MTHFD1: variants seen among roughly 807,000 people sequenced by gnomAD.
MTHFD1 encodes C-1-tetrahydrofolate synthase, cytoplasmic.
MTHFD1 carries 44 observed loss-of-function variants against 110.3 expected under a neutral mutation model. The observed-to-expected ratio is 0.40, with a 90% CI of 0.31 to 0.51. The LOEUF (loss-of-function observed/expected upper bound fraction) is 0.51, where lower values mean the gene tolerates loss of function less well. MTHFD1 is among the 20% of genes least tolerant of loss of function. MTHFD1 has a pLI of 0.60. For synonymous variants in MTHFD1, 402 were observed against 428.8 expected, an observed-to-expected ratio of 0.94 and a Z score of 0.77; for missense variants, 909 against 1,173.1, an observed-to-expected ratio of 0.77 and a Z score of 3.29.
intron 14 of MTHFD1, 30 bp from the exon 15 acceptor site, chr14:64,431,757 T>C (rs1415701263): frequency 6.2e-7 from 1 of 1,606,950 alleles, no homozygotes; most frequent in Non-Finnish European, 8.5e-7. Context: ...GGGGCTCCTC[T>C]CATTTTAAAG....
chr14:64,445,850 T>C (rs1421389849), intron 22 of MTHFD1, among the ~76,000 whole-genome samples: 3 of 152,238 alleles, frequency 2.0e-5, no homozygotes, highest in African/African-American at 7.2e-5. Flanking sequence ...GCGTTACATA[T>C]TAATTGGTTT....
intron 1 of MTHFD1, chr14:64,388,752 G>C (rs1162408735): frequency 3.5e-6 from 2 of 573,350 alleles, no homozygotes; most frequent in Non-Finnish European, 6.2e-6. Context: ...CCGGGAGAGT[G>C]GGTAGTTGCG....
intron 1 of MTHFD1, among the ~76,000 whole-genome samples, chr14:64,397,510 G>T (rs868212223): frequency 1.3e-5 from 2 of 152,038 alleles, no homozygotes; most frequent in Non-Finnish European, 2.9e-5. Context: ...GGCCAGGCTG[G>T]TCTCGAACTC....
Position 64,430,245 on chromosome 14 carries a change from G to A in MTHFD1, c.1311+15G>A. 6.2e-7 allele frequency: 1 copy of A among 1,612,624 alleles called. No homozygotes were observed. Among genetic ancestry groups the A allele is most frequent in the Non-Finnish European group, 8.5e-7 (1 of 1,179,452 alleles). ...CTATGGAAGAGGTAAAGTATTCTGG[G>A]ATTTGGCTGAATTAGATCCCCCTTT... On this transcript the variant is annotated intron_variant, in intron 13 of 27. Transcript: ENST00000652337.
Position 64,425,741 on chromosome 14 carries a change from G to C in MTHFD1, c.867G>C (p.Glu289Asp), listed in dbSNP as rs773620165. 2 of 1,612,476 alleles carry C rather than the reference G, an allele frequency of 1.2e-6. No homozygotes were observed. The highest frequency in any genetic ancestry group is 1.7e-5 in the Admixed American group (1 of 60,018). Residue 289 changes from glutamate to aspartate, a missense_variant, in exon 10 of 28, where the codon GAG (glutamate) becomes GAC (aspartate). Coordinates refer to ENST00000652337, the MANE Select transcript of MTHFD1 (RefSeq NM_005956.4). Reference sequence around the variant, plus strand: ...TTCATTTTGCTTAGAGCACAGTAGAGAGTGCCAAGCGTTTCCTGGAGAAAT... The same window carrying C: ...TTCATTTTGCTTAGAGCACAGTAGACAGTGCCAAGCGTTTCCTGGAGAAAT... ...TVAMLMQSTV[E>D]SAKRFLEKFK...
At position 64,411,155 on chromosome 14, in the gene MTHFD1, G is replaced by A. The variant is rs750839500; in HGVS notation, c.186+6G>A. On this transcript the variant is annotated splice_donor_region_variant and intron_variant, in intron 3 of 27. Coordinates refer to ENST00000652337, the MANE Select transcript of MTHFD1 (RefSeq NM_005956.4). ...AGCTGAAGGCTGCTGAAGAGGTAAC[G>A]CCAGAAGAGCTGTGCCATCACCCTC... The A allele has an allele frequency of 3.1e-5, 50 of 1,610,212 alleles. No homozygotes were observed. The highest frequency in any genetic ancestry group is 5.0e-5 in the Admixed American group (3 of 59,986).
Position 64,449,464 on chromosome 14 carries a change from C to G in MTHFD1, c.2299C>G (p.Leu767Val). 20 of 1,613,654 alleles carry G rather than the reference C, an allele frequency of 1.2e-5. No homozygotes were observed. The highest frequency in any genetic ancestry group is 1.7e-5 in the Non-Finnish European group (20 of 1,180,042). Residue 767 changes from leucine to valine, a missense_variant, in exon 24 of 28, where the codon CTG (leucine) becomes GTG (valine). By Grantham distance (32) the Leu-to-Val change is conservative (BLOSUM62 1). This residue lies in a region of MTHFD1 where 482 missense variants were observed against 646.0 expected (regional missense o/e 0.75). Coordinates refer to ENST00000652337, the MANE Select transcript of MTHFD1 (RefSeq NM_005956.4). ...NAFKTDTESE[L>V]DLISRLSREH... ...TTATAGGACGGATACAGAGTCTGAG[C>G]TGGACCTCATCAGCCGCCTTTCCAG...
intron 7 of MTHFD1, among the ~76,000 whole-genome samples, chr14:64,418,464 A>AAAAC (rs2078043243): frequency 6.6e-6 from 1 of 151,018 alleles, no homozygotes; most frequent in Admixed American, 6.6e-5. Context: ...AAAAAAAAAA[A>AAAAC]ATTAATTAAT....
At position 64,448,089 on chromosome 14, in the gene MTHFD1, T is replaced by G. The variant is rs949861087; in HGVS notation, c.2179-128T>G. 4 of 732,148 alleles carry G rather than the reference T, an allele frequency of 5.5e-6. No homozygotes were observed. The African/African-American group carries it at 7.0e-5, about 13-fold the overall frequency. The allele number at this position is 732,148 out of a possible 1,614,324, so 45.4% of individuals were successfully genotyped here. A position where few individuals can be genotyped will look rare whatever the true frequency, so the allele number is the denominator to read the frequency against. ...AAATGCACCAAGGGACCTTCTCTCT[T>G]CTTTCTTGGCCTCCTTGTCCTGATA... On this transcript the variant is annotated intron_variant, in intron 22 of 27. Transcript: ENST00000652337.
At chr14:64,445,624 A>T (rs539940881) in intron 22 of MTHFD1, among the ~76,000 whole-genome samples, 8 of 152,348 alleles carry the variant, frequency 5.3e-5, no homozygotes, top group African/African-American at 1.9e-4. Context: ...AACTGGCTAG[A>T]AAAAATTGCT....
chr14:64,415,667 G>A lies in MTHFD1; in HGVS notation c.406G>A (p.Ala136Thr), dbSNP rs773073869. ...GACTAGCATCAATGCTGGGAAACTT[G>A]CTAGAGGTGACCTCAATGACTGTTT... is the stretch of plus-strand genomic sequence containing the variant. Reference protein sequence around the residue: ...GLTSINAGKLARGDLNDCFIP... With the variant: ...GLTSINAGKLTRGDLNDCFIP... Residue 136 changes from alanine (A) to threonine (T), a missense_variant, in exon 6 of 28, where the codon GCT becomes ACT. Around this residue, in one of 3 missense-constraint regions of MTHFD1, gnomAD observed 424 missense variants for 510.4 expected, o/e 0.83. Transcript: ENST00000652337. 2.5e-6 allele frequency: 4 copies of A among 1,613,386 alleles called. No individual in the cohort carries two copies. Among genetic ancestry groups the A allele is most frequent in the Non-Finnish European group, 2.5e-6 (3 of 1,179,384 alleles).
chr14:64,419,045 CAG>C (rs771093606), intron 7 of MTHFD1, among the ~76,000 whole-genome samples: 8 of 151,860 alleles, frequency 5.3e-5, no homozygotes, highest in Non-Finnish European at 5.9e-5. Flanking sequence ...TTTGTAGCGA[CAG>C]GGGTCTCACT....
At chr14:64,443,551 G>A (rs1444310454) in intron 21 of MTHFD1, among the ~76,000 whole-genome samples, 2 of 152,092 alleles carry the variant, frequency 1.3e-5, no homozygotes, top group Non-Finnish European at 2.9e-5. Flanking sequence ...TTGACTTCAT[G>A]GACCCCTTCA....
Position 64,411,146 on chromosome 14 carries a change from A to G in MTHFD1, c.183A>G (p.Glu61=). 1.2e-6 allele frequency: 2 copies of G among 1,612,272 alleles called. No homozygotes were observed. Among genetic ancestry groups the G allele is most frequent in the Non-Finnish European group, 1.7e-6 (2 of 1,179,158 alleles). Residue 61 remains glutamate (E), a synonymous_variant, in exon 3 of 28, where the codon GAA becomes GAG. Coordinates refer to ENST00000652337, the MANE Select transcript of MTHFD1 (RefSeq NM_005956.4). ...LYINVKLKAA[E]EIGIKATHIK... The stretch of plus-strand genomic sequence containing the variant: ...TAAATGTGAAGCTGAAGGCTGCTGA[A>G]GAGGTAACGCCAGAAGAGCTGTGCC...
At chr14:64,395,857 T>C (rs546883928) in intron 1 of MTHFD1, among the ~76,000 whole-genome samples, 2 of 152,322 alleles carry the variant, frequency 1.3e-5, no homozygotes, top group South Asian at 4.1e-4. Flanking sequence ...ATGTGAGTTA[T>C]TGTGTCATTG....
intron 3 of MTHFD1, 119 bp from the exon 4 acceptor site, chr14:64,412,353 A>G: frequency 2.6e-6 from 2 of 779,354 alleles, no homozygotes; most frequent in South Asian, 2.8e-5. Flanking sequence ...ATTCTTCAGA[A>G]CATATAAGGG....
chr14:64,411,179 TC>T (rs1195109961), intron 3 of MTHFD1, 30 bp downstream of exon 3: 12 of 1,574,858 alleles, frequency 7.6e-6, no homozygotes, highest in Non-Finnish European at 9.6e-6. Context: ...GCCATCACCC[TC>T]CCCAACCTCC....
intron 1 of MTHFD1, among the ~76,000 whole-genome samples, chr14:64,394,094 C>T (rs780489501): frequency 1.8e-4 from 28 of 152,120 alleles, no homozygotes; most frequent in Non-Finnish European, 4.0e-4. Flanking sequence ...CTCTCCTTTG[C>T]ACCCCTTAAT....
At chr14:64,444,824 G>T in intron 22 of MTHFD1, 90 bp downstream of exon 22, 1 of 1,436,522 alleles carries the variant, frequency 7.0e-7, no homozygotes, top group Admixed American at 1.7e-5. Flanking sequence ...AAATGAATGG[G>T]TTATTGCTGT....
Sources: allele counts gnomAD v4.1 joint callset (sites outside exome capture counted in the v4.1 genomes callset), GRCh38; gene constraint gnomAD v4.1.1; regional missense constraint gnomAD v4.1.1; transcripts MANE v1.5; gene names NCBI Gene and HGNC (gene_info 2026-07-23, HGNC 2026-07-21).